SGIP1: variants seen among roughly 807,000 people sequenced by gnomAD.
SGIP1 encodes SH3GL interacting endocytic adaptor 1, also known as SH3-containing GRB2-like protein 3-interacting protein 1.
A neutral mutation model predicts 107.5 loss-of-function variants in SGIP1; 38 were observed. That is an observed-to-expected ratio of 0.35 (90% confidence interval 0.27 to 0.46). The LOEUF (loss-of-function observed/expected upper bound fraction) is 0.46. Among genes scored for constraint, SGIP1 ranks in the 20% least tolerant of loss-of-function variants. The probability of loss-of-function intolerance (pLI) is 1.00; values close to 1 mark genes in which losing one functional copy is unlikely to be tolerated. For synonymous variants in SGIP1, 365 were observed against 366.1 expected (o/e 1.00, Z 0.03); for missense variants, 929 against 1,019.5 (o/e 0.91, Z 1.21).
At chr1:66,732,736 CT>C (rs150404620) in intron 20 of SGIP1, among the ~76,000 whole-genome samples, 14 of 150,082 alleles carry the variant, frequency 9.3e-5, no homozygotes, top group African/African-American at 1.5e-4. Flanking sequence ...AATTTTCTCT[CT>C]TTTTTTTTTA....
At chr1:66,642,712 G>T (rs1251425868) in intron 5 of SGIP1, 98 bp from the exon 6 acceptor site, 6 of 1,014,042 alleles carry the variant, frequency 5.9e-6, no homozygotes, top group Middle Eastern at 4.5e-4. Context: ...TAAAAGAAAA[G>T]ACTTTTCTAT....
chr1:66,593,618 C>T (rs995734507), intron 1 of SGIP1, among the ~76,000 whole-genome samples: 9 of 152,100 alleles, frequency 5.9e-5, no homozygotes, highest in African/African-American at 1.7e-4. Flanking sequence ...CAAAAAGAGA[C>T]CCAGCTTAGC....
chr1:66,678,457 G>A (rs1311210404), intron 13 of SGIP1, among the ~76,000 whole-genome samples: 1 of 152,062 alleles, frequency 6.6e-6, no homozygotes, highest in Non-Finnish European at 1.5e-5. Flanking sequence ...AGCTTATTAG[G>A]CTTTTACAGT....
intron 9 of SGIP1, 73 bp downstream of exon 9, chr1:66,667,614 G>A: frequency 7.1e-7 from 1 of 1,409,050 alleles, no homozygotes; most frequent in Non-Finnish European, 1.0e-6. Flanking sequence ...GGCCAGGTTG[G>A]TTTCCCATTA....
At chr1:66,584,181 A>G (rs946514922) in intron 1 of SGIP1, among the ~76,000 whole-genome samples, 2 of 152,064 alleles carry the variant, frequency 1.3e-5, no homozygotes, top group African/African-American at 4.8e-5. Context: ...TTGTATCTCA[A>G]TAATCTCCAT....
intron 1 of SGIP1, among the ~76,000 whole-genome samples, chr1:66,550,671 G>A (rs1482957785): frequency 6.6e-6 from 1 of 152,108 alleles, no homozygotes; most frequent in Non-Finnish European, 1.5e-5. Flanking sequence ...GCCGGAAATT[G>A]TTCCTAAAGT....
chr1:66,564,163 A>G (rs2059344571), intron 1 of SGIP1, among the ~76,000 whole-genome samples: 1 of 152,004 alleles, frequency 6.6e-6, no homozygotes, highest in Non-Finnish European at 1.5e-5. Context: ...AGATCTCTAA[A>G]GAAGCAATTT....
At chr1:66,736,382 TATATAATATATGTGAA>T (rs1462733412) in intron 21 of SGIP1, among the ~76,000 whole-genome samples, 2 of 89,828 alleles carry the variant, frequency 2.2e-5, no homozygotes, top group East Asian at 6.1e-4. Flanking sequence ...GTGAATATAA[TATATAATATATGTGAA>T]TATATTATAT....
chr1:66,548,965 T>G (rs2056923737), intron 1 of SGIP1, among the ~76,000 whole-genome samples: 1 of 152,218 alleles, frequency 6.6e-6, no homozygotes. Flanking sequence ...TGGTCTAGTT[T>G]CCTTTGGGAC....
chr1:66,701,972 A>G (rs926659062), intron 18 of SGIP1, among the ~76,000 whole-genome samples: 1 of 152,218 alleles, frequency 6.6e-6, no homozygotes, highest in Admixed American at 6.5e-5. Flanking sequence ...CCATGCAAGG[A>G]GTACCTAGTT....
At chr1:66,655,750 A>G in intron 7 of SGIP1, among the ~76,000 whole-genome samples, 1 of 152,148 alleles carries the variant, frequency 6.6e-6, no homozygotes, top group Non-Finnish European at 1.5e-5. Flanking sequence ...TTTAAATGGT[A>G]TGCCTGTATA....
chr1:66,623,587 A>AT (rs957203622), intron 1 of SGIP1, among the ~76,000 whole-genome samples: 14 of 152,038 alleles, frequency 9.2e-5, no homozygotes, highest in South Asian at 2.1e-4. Flanking sequence ...TGATTAGGGC[A>AT]TTTTTTTTCT....
chr1:66,588,005 C>A (rs1161392877), intron 1 of SGIP1, among the ~76,000 whole-genome samples: 1 of 152,060 alleles, frequency 6.6e-6, no homozygotes. Flanking sequence ...ACAAGAAGGG[C>A]AACAACAACA....
At chr1:66,624,143 A>T (rs2071986438) in intron 1 of SGIP1, among the ~76,000 whole-genome samples, 1 of 130,368 alleles carries the variant, frequency 7.7e-6, no homozygotes, top group African/African-American at 3.1e-5. Flanking sequence ...TCCTGTAAAA[A>T]CCAGTGGTGA....
intron 7 of SGIP1, among the ~76,000 whole-genome samples, chr1:66,648,134 G>A (rs546532431): frequency 6.6e-6 from 1 of 152,142 alleles, no homozygotes; most frequent in African/African-American, 2.4e-5. Context: ...GAATAACCTT[G>A]ATACTGCTCA....
intron 1 of SGIP1, among the ~76,000 whole-genome samples, chr1:66,591,886 G>T (rs1316435785): frequency 6.6e-6 from 1 of 152,168 alleles, no homozygotes; most frequent in African/African-American, 2.4e-5. Context: ...GCCTCCATGG[G>T]CACGTAGGCC....
intron 18 of SGIP1, among the ~76,000 whole-genome samples, chr1:66,711,694 C>A (rs553275510): frequency 1.1e-3 from 168 of 152,260 alleles, no homozygotes; most frequent in African/African-American, 3.9e-3. Flanking sequence ...CTGCCTGCAG[C>A]AGATCTGGTA....
intron 1 of SGIP1, among the ~76,000 whole-genome samples, chr1:66,594,186 T>G (rs1470654771): frequency 6.6e-6 from 1 of 150,578 alleles, no homozygotes; most frequent in African/African-American, 2.4e-5. Context: ...AACAGCTATG[T>G]GAAAGGAAAA....
At chr1:66,708,547 C>G (rs2092687102) in intron 18 of SGIP1, among the ~76,000 whole-genome samples, 1 of 152,060 alleles carries the variant, frequency 6.6e-6, no homozygotes, top group Admixed American at 6.6e-5. Context: ...TCATATTTAA[C>G]AATAGTATTT....
Sources: gnomAD v4.1 joint callset for allele counts (sites outside exome capture counted in the v4.1 genomes callset) on GRCh38, gnomAD v4.1.1 for gene constraint, MANE v1.5 for transcripts, NCBI Gene and HGNC (gene_info 2026-07-23, HGNC 2026-07-21) for gene names.